Variants in PIK3R1 observed in about 807,000 individuals in gnomAD.
PIK3R1 encodes the protein phosphoinositide-3-kinase regulatory subunit 1.
A neutral mutation model predicts 98.0 loss-of-function variants in PIK3R1; 29 were observed. The observed-to-expected ratio is 0.30, with a 90% CI of 0.22 to 0.40. The LOEUF (loss-of-function observed/expected upper bound fraction) is 0.40, where lower values mean the gene tolerates loss of function less well. PIK3R1 is among the 10% of genes least tolerant of loss of function. The pLI is 1.00. For missense variants in PIK3R1, 596 were observed against 872.7 expected (o/e 0.68, Z 3.99); for synonymous variants, 282 against 311.8 (o/e 0.90, Z 1.01).
At chr5:68,251,296 G>A (rs1745297082) in intron 2 of PIK3R1, among the ~76,000 whole-genome samples, 1 of 152,072 alleles carries the variant, frequency 6.6e-6, no homozygotes, top group African/African-American at 2.4e-5. Context: ...ACACTTTGCA[G>A]CACATCTCTG....
Position 68,247,577 on chromosome 5 carries a change from CT to C in PIK3R1, c.334+20584del, listed in dbSNP as rs1372456953. 2.4e-3 allele frequency among the ~76,000 whole-genome samples: 336 copies of C among 140,612 alleles called. 2 individuals carry two copies. The highest frequency in any genetic ancestry group is 3.6e-3 in the Admixed American group (51 of 14,096). 92.2% of individuals were successfully genotyped at this position (140,612 alleles called of 152,430 possible). A position where few individuals can be genotyped will look rare whatever the true frequency, so the allele number is the denominator to read the frequency against. On this transcript the variant is annotated intron_variant, in intron 2 of 15. Transcript: ENST00000521381. ...ATAGGTGTGAGCCACTGCACGTGGC[CT>C]TTTTTTTTTTTTTTTCTTGAGACAG...
At chr5:68,235,877 T>A (rs1040963520) in intron 2 of PIK3R1, among the ~76,000 whole-genome samples, 6 of 151,558 alleles carry the variant, frequency 4.0e-5, no homozygotes, top group Non-Finnish European at 7.4e-5. Flanking sequence ...CAGGCATTTT[T>A]TTTTTTCTTT....
At position 68,260,253 on chromosome 5, in the gene PIK3R1, A is replaced by G. The variant is rs192607819; in HGVS notation, c.335-13137A>G. ...ATGACTCTCAGAGGGGAATGGATAA[A>G]CCCACAGAGGTTCTGGAAATGGAGC... On this transcript the variant is annotated intron_variant, in intron 2 of 15. Transcript: ENST00000521381. Among the ~76,000 whole-genome samples the G allele has an allele frequency of 3.3e-5, 5 of 152,204 alleles. No homozygotes were observed. The East Asian group carries it at 9.7e-4, about 29-fold the overall frequency.
chr5:68,245,140 G>A lies in PIK3R1; in HGVS notation c.334+18131G>A, dbSNP rs562949696. On this transcript the variant is annotated intron_variant, in intron 2 of 15. Coordinates refer to ENST00000521381, the MANE Select transcript of PIK3R1 (RefSeq NM_181523.3). ...ATAGAATATATGATGGGTCTTGTTAGCTATCTCTTATTTTCTAATCCAAAG... is the reference window on the plus strand; with the variant it reads ...ATAGAATATATGATGGGTCTTGTTAACTATCTCTTATTTTCTAATCCAAAG... 5.3e-5 allele frequency among the ~76,000 whole-genome samples: 8 copies of A among 152,312 alleles called. No homozygotes were observed. The South Asian group carries it at 1.7e-3, about 32-fold the overall frequency.
chr5:68,252,066 C>T (rs1385009484), intron 2 of PIK3R1, among the ~76,000 whole-genome samples: 1 of 152,148 alleles, frequency 6.6e-6, no homozygotes, highest in Non-Finnish European at 1.5e-5. Flanking sequence ...TCACATCTCC[C>T]CCTTGAACTA....
At chr5:68,292,851 CCT>C in intron 8 of PIK3R1, 1 of 825,660 alleles carries the variant, frequency 1.2e-6, no homozygotes, top group Non-Finnish European at 1.8e-6. Flanking sequence ...GTGATATGCA[CCT>C]GTTTGTGATG....
intron 2 of PIK3R1, among the ~76,000 whole-genome samples, chr5:68,270,057 T>C (rs1474736800): frequency 6.6e-6 from 1 of 152,160 alleles, no homozygotes; most frequent in Non-Finnish European, 1.5e-5. Context: ...AGTACCCATG[T>C]GTATTTTTTT....
At chr5:68,228,316 G>C (rs749679261) in intron 2 of PIK3R1, among the ~76,000 whole-genome samples, 8 of 152,192 alleles carry the variant, frequency 5.3e-5, no homozygotes, top group South Asian at 2.1e-4. Flanking sequence ...AGTAGTAATA[G>C]ATTGGGAATA....
chr5:68,276,042 G>A (rs966573627), intron 4 of PIK3R1, among the ~76,000 whole-genome samples: 2 of 152,154 alleles, frequency 1.3e-5, no homozygotes, highest in African/African-American at 4.8e-5. Context: ...CAGTGCCTTA[G>A]TGGCTAATTT....
At position 68,227,023 on chromosome 5, in the gene PIK3R1, A is replaced by T. The variant is rs706714; in HGVS notation, c.334+14A>T. On this transcript the variant is annotated intron_variant, in intron 2 of 15. Transcript: ENST00000521381. The stretch of plus-strand genomic sequence containing the variant: ...TTGAACAACAAGGTCAGTATTGATA[A>T]GTGGTTGCTTAATGACTCCCTTTCT... 1 of 1,579,648 alleles carries T rather than the reference A, an allele frequency of 6.3e-7. No individual in the cohort carries two copies. The highest frequency in any genetic ancestry group is 8.6e-7 in the Non-Finnish European group (1 of 1,164,096).
intron 2 of PIK3R1, among the ~76,000 whole-genome samples, chr5:68,229,523 C>T (rs1458321966): frequency 1.3e-5 from 2 of 151,752 alleles, no homozygotes; most frequent in Non-Finnish European, 2.9e-5. Context: ...TATTCCTCAC[C>T]AACCCCCACC....
At chr5:68,288,162 GAGCC>G (rs1747160383) in intron 7 of PIK3R1, among the ~76,000 whole-genome samples, 1 of 152,090 alleles carries the variant, frequency 6.6e-6, no homozygotes, top group Non-Finnish European at 1.5e-5. Flanking sequence ...TGAGCCCCGC[GAGCC>G]AGCCAGCGCG....
chr5:68,269,422 A>G (rs1372678272), intron 2 of PIK3R1, among the ~76,000 whole-genome samples: 5 of 152,150 alleles, frequency 3.3e-5, no homozygotes, highest in African/African-American at 1.2e-4. Context: ...GTGCTCTGTT[A>G]ATTTGTGTTT....
At chr5:68,288,521 G>T in intron 7 of PIK3R1, 1 of 1,359,560 alleles carries the variant, frequency 7.4e-7, no homozygotes, top group East Asian at 3.0e-5. Context: ...GACGAGCCGA[G>T]CCGAGCCAAG....
At chr5:68,271,714 T>A (rs1341902341) in intron 2 of PIK3R1, among the ~76,000 whole-genome samples, 2 of 152,234 alleles carry the variant, frequency 1.3e-5, no homozygotes, top group Admixed American at 1.3e-4. Context: ...ATAGTGCTAC[T>A]GTAGGATTTT....
At chr5:68,235,304 G>A (rs1744620825) in intron 2 of PIK3R1, among the ~76,000 whole-genome samples, 1 of 152,074 alleles carries the variant, frequency 6.6e-6, no homozygotes, top group African/African-American at 2.4e-5. Flanking sequence ...TAGGGAGGCT[G>A]AGGCAGGAGA....
Position 68,226,616 on chromosome 5 carries a change from TA to T in PIK3R1, c.-56del. 2.2e-6 allele frequency: 3 copies of T among 1,372,462 alleles called. No homozygotes were observed. The highest frequency in any genetic ancestry group is 3.0e-6 in the Non-Finnish European group (3 of 983,680). The allele number at this position is 1,372,462 out of a possible 1,614,324, so 85.0% of individuals were successfully genotyped here. On this transcript the variant is annotated 5_prime_UTR_variant, in exon 2 of 16. Transcript: ENST00000521381. ...TCTGAATTCACTTTTCATAAAAACG[TA>T]AAATCAGACTGCTCTGTACAACCAG...
At chr5:68,267,020 A>G (rs1316726061) in intron 2 of PIK3R1, among the ~76,000 whole-genome samples, 2 of 152,124 alleles carry the variant, frequency 1.3e-5, no homozygotes, top group Non-Finnish European at 2.9e-5. Context: ...ACACCGAAAG[A>G]CCAACTTTCC....
chr5:68,244,097 C>G (rs1744974224), intron 2 of PIK3R1, among the ~76,000 whole-genome samples: 1 of 152,122 alleles, frequency 6.6e-6, no homozygotes, highest in Non-Finnish European at 1.5e-5. Context: ...CAGGGCAAAC[C>G]AGAATTCTGT....
Sources: gnomAD v4.1 joint callset for allele counts (sites outside exome capture counted in the v4.1 genomes callset) on GRCh38, gnomAD v4.1.1 for gene constraint, MANE v1.5 for transcripts, NCBI Gene and HGNC (gene_info 2026-07-23, HGNC 2026-07-21) for gene names.